UBN2: variants seen among roughly 807,000 people sequenced by gnomAD.
UBN2 encodes ubinuclein-2.
UBN2 carries 35 observed loss-of-function variants against 120.2 expected under a neutral mutation model. The ratio of observed to expected loss-of-function variants is 0.29; its 90% CI spans 0.22 to 0.39. The LOEUF (loss-of-function observed/expected upper bound fraction) is 0.39. Among genes scored for constraint, UBN2 ranks in the 10% least tolerant of loss-of-function variants. The pLI, the probability that UBN2 is intolerant of heterozygous loss-of-function variation, is 1.00. For missense variants in UBN2, 1,693 were observed against 1,663.2 expected (o/e 1.02, Z -0.31); for synonymous variants, 661 against 648.7 (o/e 1.02, Z -0.29).
chr7:139,233,240 G>A (rs145712840), intron 1 of UBN2, among the ~76,000 whole-genome samples: 1 of 152,208 alleles, frequency 6.6e-6, no homozygotes, highest in East Asian at 1.9e-4. Flanking sequence ...AGATCATTTT[G>A]GTCACTTCCA....
Position 139,298,035 on chromosome 7 carries a change from CAA to C in UBN2, c.*201_*202del. The C allele has an allele frequency of 1.7e-6, 1 of 577,030 alleles. No homozygotes were observed. Among genetic ancestry groups the C allele is most frequent in the Admixed American group, 3.0e-5 (1 of 32,996 alleles). 35.7% of individuals were successfully genotyped at this position (577,030 alleles called of 1,614,324 possible). ...TGCAGGAGGAAGAAATGCTTTTGTG[CAA>C]AGTTAGTGACCTTTGGTCTCTTCTA... On this transcript the variant is annotated 3_prime_UTR_variant, in exon 18 of 18. Transcript: ENST00000473989.
At chr7:139,324,254 A>G in the UBN2 span, among the ~76,000 whole-genome samples, 1 of 152,216 alleles carries the variant, frequency 6.6e-6, no homozygotes, top group Non-Finnish European at 1.5e-5. Context: ...TTAAGCTTTA[A>G]TGAGACATTA....
intron 3 of UBN2, among the ~76,000 whole-genome samples, chr7:139,256,092 T>G (rs574358793): frequency 2.6e-4 from 39 of 152,304 alleles, no homozygotes; most frequent in Non-Finnish European, 4.6e-4. Context: ...TCTTAACACA[T>G]TCTACTGAAA....
At chr7:139,322,144 G>T in the UBN2 span, among the ~76,000 whole-genome samples, 3 of 151,974 alleles carry the variant, frequency 2.0e-5, no homozygotes, top group Admixed American at 6.6e-5. Flanking sequence ...TGGCTAATTT[G>T]TGTATTTTTA....
In UBN2 at chr7:139,284,382, G is replaced by A. The variant is rs1408395066; in HGVS notation, c.3477G>A (p.Gly1159=). 1 of 1,614,180 alleles carries A rather than the reference G, an allele frequency of 6.2e-7. No homozygotes were observed. The highest frequency in any genetic ancestry group is 1.7e-5 in the Admixed American group (1 of 60,022). Residue 1159 remains glycine, a synonymous_variant, in exon 15 of 18, where the codon GGG becomes GGA. Coordinates refer to ENST00000473989, the MANE Select transcript of UBN2 (RefSeq NM_173569.4). ...LTNSSSTGTV[G]KNSLSGIAMN... ...ACTCATCATCCACTGGAACTGTTGG[G>A]AAGAACAGCTTGAGTGGAATTGCAA...
chr7:139,269,354 A>G (rs769457074), intron 7 of UBN2, 40 bp from the exon 8 acceptor site: 2 of 1,582,486 alleles, frequency 1.3e-6, no homozygotes, highest in Non-Finnish European at 1.7e-6. Flanking sequence ...CACCTAAAAT[A>G]AATTCTATAC....
downstream of UBN2, among the ~76,000 whole-genome samples, chr7:139,308,842 C>T (rs533179269): frequency 3.2e-4 from 48 of 152,190 alleles, 2 homozygotes; most frequent in South Asian, 7.9e-3. Flanking sequence ...GAGGCAGAGG[C>T]GGGCGGATCA....
At position 139,284,245 on chromosome 7, in the gene UBN2, C is replaced by A. The variant is rs753042178; in HGVS notation, c.3340C>A (p.Pro1114Thr). 6.2e-7 allele frequency: 1 copy of A among 1,614,064 alleles called. No homozygotes were observed. The highest frequency in any genetic ancestry group is 8.5e-7 in the Non-Finnish European group (1 of 1,180,036). The part of the protein sequence containing the change: ...SSTNSPVHKQ[P>T]SGMNISRQSP... ...CACTAACAGCCCAGTCCATAAACAGCCCAGTGGAATGAACATCAGCAGACA... is the reference window on the plus strand; with the variant it reads ...CACTAACAGCCCAGTCCATAAACAGACCAGTGGAATGAACATCAGCAGACA... The change falls in exon 15 of 18, where the codon CCC becomes ACC. Residue 1114 changes from proline (P) to threonine (T), a missense_variant. This residue lies in a region of UBN2 where 837 missense variants were observed against 817.6 expected (regional missense o/e 1.02). Transcript: ENST00000473989.
downstream of UBN2, among the ~76,000 whole-genome samples, chr7:139,310,699 G>A (rs923985607): frequency 6.6e-6 from 1 of 152,194 alleles, no homozygotes; most frequent in African/African-American, 2.4e-5. Context: ...CTTGCACCTA[G>A]GAGGCAGAGG....
intron 2 of UBN2, among the ~76,000 whole-genome samples, chr7:139,238,923 A>T (rs770242152): frequency 2.4e-4 from 37 of 152,230 alleles, no homozygotes; most frequent in Non-Finnish European, 4.8e-4. Context: ...GTAAAATCCT[A>T]TAGGATGTAT....
intron 15 of UBN2, among the ~76,000 whole-genome samples, chr7:139,285,713 A>G (rs778871262): frequency 1.1e-4 from 16 of 151,784 alleles, no homozygotes; most frequent in Non-Finnish European, 2.4e-4. Flanking sequence ...CATTTATCGT[A>G]AGTTTTTTGA....
At chr7:139,294,137 T>C (rs1798042919) in intron 17 of UBN2, among the ~76,000 whole-genome samples, 156 bp downstream of exon 17, 2 of 152,180 alleles carry the variant, frequency 1.3e-5, no homozygotes. Flanking sequence ...CAGATTCCTT[T>C]TAAGAGGAAG....
At chr7:139,263,615 A>G (rs1797003788) in intron 6 of UBN2, among the ~76,000 whole-genome samples, 1 of 152,066 alleles carries the variant, frequency 6.6e-6, no homozygotes, top group African/African-American at 2.4e-5. Context: ...CTCTACTAAA[A>G]ATACAAAAAT....
chr7:139,252,172 G>A, intron 3 of UBN2, 115 bp downstream of exon 3: 1 of 787,098 alleles, frequency 1.3e-6, no homozygotes, highest in Admixed American at 2.5e-5. Flanking sequence ...GCTTTTTAAA[G>A]CCATGTTCAC....
At chr7:139,265,031 T>C (rs1585006450) in intron 6 of UBN2, among the ~76,000 whole-genome samples, 1 of 152,222 alleles carries the variant, frequency 6.6e-6, no homozygotes, top group South Asian at 2.1e-4. Flanking sequence ...ATTTGAATTA[T>C]TGTCTTCTAG....
At chr7:139,324,571 A>AAAG in the UBN2 span, among the ~76,000 whole-genome samples, 5 of 137,478 alleles carry the variant, frequency 3.6e-5, no homozygotes, top group South Asian at 2.4e-4. Context: ...AAAAAAAAAA[A>AAAG]AAAAGAAAAA....
Position 139,283,408 on chromosome 7 carries a change from G to A in UBN2, c.2503G>A (p.Gly835Ser). The change falls in exon 15 of 18, where the codon GGT becomes AGT. Residue 835 changes from glycine to serine, a missense_variant. Coordinates refer to ENST00000473989, the MANE Select transcript of UBN2 (RefSeq NM_173569.4). ...QTTHSSSLIA[G>S]HTGPVPKKPQ... ...TACACATTCTTCAAGTCTTATTGCT[G>A]GTCACACAGGGCCAGTACCAAAGAA... 6.2e-7 allele frequency: 1 copy of A among 1,614,006 alleles called. No individual in the cohort carries two copies. Among genetic ancestry groups the A allele is most frequent in the Non-Finnish European group, 8.5e-7 (1 of 1,180,018 alleles).
At chr7:139,281,531 T>C (rs1042977791) in intron 13 of UBN2, among the ~76,000 whole-genome samples, 6 of 152,188 alleles carry the variant, frequency 3.9e-5, no homozygotes, top group Non-Finnish European at 1.5e-5. Context: ...TCCATCCATC[T>C]ATCCAATCAG....
At chr7:139,240,465 T>TTTTTA (rs1554469301) in intron 2 of UBN2, among the ~76,000 whole-genome samples, 10 of 145,342 alleles carry the variant, frequency 6.9e-5, no homozygotes, top group African/African-American at 2.0e-4. Context: ...TTTTTTTTTT[T>TTTTTA]AAATAATTAT....
Sources: gnomAD v4.1 joint callset for allele counts (sites outside exome capture counted in the v4.1 genomes callset) on GRCh38, gnomAD v4.1.1 for gene constraint, gnomAD v4.1.1 regional missense constraint, MANE v1.5 for transcripts, NCBI Gene and HGNC (gene_info 2026-07-23, HGNC 2026-07-21) for gene names.